Variants in EIPR1 observed in about 807,000 individuals in gnomAD.
EIPR1 encodes the protein EARP complex and GARP complex interacting protein 1.
EIPR1 carries 25 observed loss-of-function variants against 48.1 expected under a neutral mutation model. The ratio of observed to expected loss-of-function variants is 0.52; its 90% CI spans 0.38 to 0.73. The LOEUF is 0.73. Among genes scored for constraint, EIPR1 ranks in the 30% least tolerant of loss-of-function variants. The pLI, the probability that EIPR1 is intolerant of heterozygous loss-of-function variation, is 0.00. For synonymous variants in EIPR1, 204 were observed against 201.9 expected, an observed-to-expected ratio of 1.01 and a Z score of -0.09; for missense variants, 415 against 506.2, an observed-to-expected ratio of 0.82 and a Z score of 1.73.
chr2:3,194,267 C>A, intron 6 of EIPR1, 101 bp from the exon 7 acceptor site: 1 of 1,460,600 alleles, frequency 6.8e-7, no homozygotes, highest in Non-Finnish European at 9.3e-7. Context: ...CCTGTCTAAT[C>A]CCCCGGCCCA....
intron 1 of EIPR1, among the ~76,000 whole-genome samples, chr2:3,359,981 A>G (rs537383626): frequency 1.3e-5 from 2 of 152,342 alleles, no homozygotes; most frequent in East Asian, 1.9e-4. Context: ...CCCAACGTTC[A>G]GCCCGGCTAT....
chr2:3,273,283 T>C (rs1396579515), intron 3 of EIPR1, among the ~76,000 whole-genome samples: 1 of 152,086 alleles, frequency 6.6e-6, no homozygotes, highest in African/African-American at 2.4e-5. Context: ...TGGGAGCAAA[T>C]AGTAAAGCTG....
chr2:3,337,071 G>GGGGAA (rs1670086864), intron 3 of EIPR1, among the ~76,000 whole-genome samples: 3 of 135,020 alleles, frequency 2.2e-5, no homozygotes, highest in Non-Finnish European at 3.2e-5. Flanking sequence ...AGAAGGGAAG[G>GGGGAA]GGGAAGGGAA....
rs538778116 is a variant in EIPR1 at position 3,192,448 on chromosome 2, T to A, written c.955A>T (p.Ile319Phe). The change falls in exon 8 of 9, where the codon ATC becomes TTC. Residue 319 changes from isoleucine to phenylalanine, a missense_variant. Physicochemically the swap from Ile to Phe is conservative, Grantham distance 21. Coordinates refer to ENST00000382125, the MANE Select transcript of EIPR1 (RefSeq NM_003310.5). Reference protein sequence around the residue: ...PFGHLVDDDDISDQEDHRSEE... With the variant: ...PFGHLVDDDDFSDQEDHRSEE... ...GAACGGTGGTCCTCCTGGTCACTGA[T>A]GTCATCGTCGTCTACCAAGTGGCCG... The A allele has an allele frequency of 6.2e-7, 1 of 1,612,804 alleles. No homozygotes were observed. The highest frequency in any genetic ancestry group is 1.7e-5 in the Admixed American group (1 of 59,892).
chr2:3,292,002 T>C (rs1046038888), intron 3 of EIPR1, among the ~76,000 whole-genome samples: 1 of 152,250 alleles, frequency 6.6e-6, no homozygotes, highest in Admixed American at 6.5e-5. Flanking sequence ...GCACACGTGC[T>C]CGCCACGGGG....
intron 5 of EIPR1, among the ~76,000 whole-genome samples, chr2:3,197,621 A>T (rs537982540): frequency 2.0e-5 from 3 of 152,384 alleles, no homozygotes; most frequent in African/African-American, 7.2e-5. Flanking sequence ...GCCTGCAAGA[A>T]GATCCCCAGC....
chr2:3,328,277 C>T (rs529581788), intron 3 of EIPR1, among the ~76,000 whole-genome samples: 4 of 152,342 alleles, frequency 2.6e-5, no homozygotes, highest in African/African-American at 7.2e-5. Context: ...GGGGTGCCAC[C>T]CCTATGGCCT....
intron 7 of EIPR1, among the ~76,000 whole-genome samples, chr2:3,193,395 C>T (rs955660960): frequency 2.6e-5 from 4 of 152,208 alleles, no homozygotes; most frequent in Admixed American, 2.0e-4. Flanking sequence ...ACATTTCCTC[C>T]ACATACCTGT....
intron 3 of EIPR1, among the ~76,000 whole-genome samples, chr2:3,336,779 GA>G (rs1231146779): frequency 6.7e-6 from 1 of 148,198 alleles, no homozygotes. Flanking sequence ...AAAAGAAAAG[GA>G]AAAGAAAAGG....
chr2:3,308,404 G>T (rs538712548), intron 3 of EIPR1, among the ~76,000 whole-genome samples: 1 of 152,164 alleles, frequency 6.6e-6, no homozygotes, highest in East Asian at 1.9e-4. Context: ...AGAACCAAAT[G>T]GATGAGTTCA....
chr2:3,283,944 TAAAAAAAA>T (rs59593196), intron 3 of EIPR1, among the ~76,000 whole-genome samples: 1,177 of 92,902 alleles, frequency 0.013, 9 homozygotes, highest in Non-Finnish European at 0.018. Context: ...AGACTACATC[TAAAAAAAA>T]AAAAAAAAAA....
At chr2:3,376,809 C>T (rs554002310) in intron 1 of EIPR1, among the ~76,000 whole-genome samples, 1 of 152,292 alleles carries the variant, frequency 6.6e-6, no homozygotes, top group South Asian at 2.1e-4. Context: ...ATCTGTCCCT[C>T]AGTGCTTTAG....
At chr2:3,371,458 C>A (rs1413617044) in intron 1 of EIPR1, among the ~76,000 whole-genome samples, 8 of 152,088 alleles carry the variant, frequency 5.3e-5, no homozygotes. Flanking sequence ...AGAGTCAAGA[C>A]CCATCAGTGT....
chr2:3,197,450 TTCCC>T (rs1386206810), intron 5 of EIPR1, among the ~76,000 whole-genome samples: 1 of 152,214 alleles, frequency 6.6e-6, no homozygotes, highest in Non-Finnish European at 1.5e-5. Flanking sequence ...GCACGCCCTC[TTCCC>T]TCCCTCCGTC....
intron 3 of EIPR1, among the ~76,000 whole-genome samples, chr2:3,273,973 T>TA (rs961752082): frequency 1.4e-4 from 22 of 152,150 alleles, no homozygotes; most frequent in Non-Finnish European, 2.6e-4. Context: ...GGAATCTTCT[T>TA]AAAAAAAATA....
chr2:3,377,742 C>T lies in EIPR1; in HGVS notation c.-53G>A, dbSNP rs1487735344. ...CACTCACACGCTAAGGACCTCGCTA[C>T]GGCCGGCGCGTCCCCACCTCGCGGG... On this transcript the variant is annotated 5_prime_UTR_variant, in exon 1 of 9. Coordinates refer to ENST00000382125, the MANE Select transcript of EIPR1 (RefSeq NM_003310.5). 8.4e-6 allele frequency: 13 copies of T among 1,539,428 alleles called. No homozygotes were observed. Among genetic ancestry groups the T allele is most frequent in the East Asian group, 2.5e-5 (1 of 40,052 alleles).
chr2:3,367,812 GC>G (rs1671012066), intron 1 of EIPR1, among the ~76,000 whole-genome samples: 1 of 152,124 alleles, frequency 6.6e-6, no homozygotes, highest in Non-Finnish European at 1.5e-5. Context: ...ACTTTGGGAG[GC>G]CAAGGCAGAC....
chr2:3,368,070 A>C (rs867269517), intron 1 of EIPR1, among the ~76,000 whole-genome samples: 2 of 152,228 alleles, frequency 1.3e-5, no homozygotes, highest in Middle Eastern at 3.4e-3. Flanking sequence ...AAGAAAATTT[A>C]ATCTCCATCT....
At chr2:3,214,638 C>T (rs1005071706) in intron 4 of EIPR1, among the ~76,000 whole-genome samples, 13 of 152,240 alleles carry the variant, frequency 8.5e-5, no homozygotes, top group African/African-American at 2.9e-4. Flanking sequence ...AGGCTCACAA[C>T]ACTCACATCA....
Sources: allele counts gnomAD v4.1 joint callset (sites outside exome capture counted in the v4.1 genomes callset), GRCh38; gene constraint gnomAD v4.1.1; transcripts MANE v1.5; gene names NCBI Gene and HGNC (gene_info 2026-07-23, HGNC 2026-07-21).